Variants in RAD18 observed in about 807,000 individuals in gnomAD.
RAD18 encodes E3 ubiquitin-protein ligase RAD18.
In RAD18, 47 loss-of-function variants were observed where a neutral mutation model predicts 60.4. The observed-to-expected ratio is 0.78, with a 90% CI of 0.62 to 0.99. The LOEUF (loss-of-function observed/expected upper bound fraction) is 0.99, where lower values mean the gene tolerates loss of function less well. Ranked by LOEUF, RAD18 falls within the 50% of genes least tolerant of loss-of-function variation. The pLI, the probability that RAD18 is intolerant of heterozygous loss-of-function variation, is 0.00. For synonymous variants in RAD18, 225 were observed against 195.5 expected (o/e 1.15, Z -1.26); for missense variants, 640 against 593.3 (o/e 1.08, Z -0.82).
At chr3:8,952,137 C>G (rs1468619490) in intron 2 of RAD18, among the ~76,000 whole-genome samples, 3 of 152,112 alleles carry the variant, frequency 2.0e-5, no homozygotes, top group Non-Finnish European at 4.4e-5. Context: ...CACCTTTAAC[C>G]TCCCAAATTC....
chr3:8,885,150 G>T (rs1196227977), intron 12 of RAD18, among the ~76,000 whole-genome samples: 2 of 152,048 alleles, frequency 1.3e-5, no homozygotes, highest in African/African-American at 2.4e-5. Context: ...TTCTTGGTAG[G>T]CCCATAGAAA....
intron 6 of RAD18, 87 bp downstream of exon 6, chr3:8,939,467 G>A (rs1189344692): frequency 2.7e-6 from 3 of 1,109,616 alleles, no homozygotes; most frequent in Admixed American, 2.1e-5. Context: ...CGGTCACCAG[G>A]ATAAAAGGAA....
intron 6 of RAD18, among the ~76,000 whole-genome samples, chr3:8,938,705 G>A (rs913781455): frequency 3.9e-5 from 6 of 152,148 alleles, no homozygotes; most frequent in Non-Finnish European, 5.9e-5. Flanking sequence ...TGGAAGGAAA[G>A]AGACTGAAGG....
At position 8,879,162 on chromosome 3, in the gene RAD18, C is replaced by T. The variant is rs1322149096; in HGVS notation, c.*2195G>A. ...GTCTTGGCACAACTGACATGTTAGA[C>T]TGGATAATTCTTTACTGTGGAGTGT... is the stretch of plus-strand genomic sequence containing the variant. On this transcript the variant is annotated 3_prime_UTR_variant, in exon 13 of 13. Transcript: ENST00000264926. The T allele has an allele frequency of 6.6e-6, 1 of 152,152 alleles. No individual in the cohort carries two copies. The highest frequency in any genetic ancestry group is 1.5e-5 in the Non-Finnish European group (1 of 68,034). The allele number at this position is 152,152 out of a possible 1,614,324, so 9.4% of individuals were successfully genotyped here.
intron 12 of RAD18, among the ~76,000 whole-genome samples, chr3:8,883,181 C>T (rs1244293775): frequency 6.6e-6 from 1 of 151,910 alleles, no homozygotes; most frequent in Non-Finnish European, 1.5e-5. Context: ...AACTGTAATA[C>T]CTGGAAGAAA....
intron 1 of RAD18, among the ~76,000 whole-genome samples, chr3:8,962,926 G>C (rs750013310): frequency 4.6e-5 from 7 of 152,136 alleles, no homozygotes; most frequent in Non-Finnish European, 7.3e-5. Flanking sequence ...CTACCTGCTT[G>C]GCTACGTGAT....
At chr3:8,902,652 G>A in intron 9 of RAD18, 132 bp from the exon 10 acceptor site, 1 of 868,858 alleles carries the variant, frequency 1.2e-6, no homozygotes, top group Non-Finnish European at 1.6e-6. Context: ...AGCACTTCAG[G>A]AGCCTGAAGT....
intron 9 of RAD18, among the ~76,000 whole-genome samples, chr3:8,911,274 T>G (rs897510653): frequency 4.6e-5 from 7 of 152,234 alleles, no homozygotes; most frequent in African/African-American, 1.7e-4. Context: ...TTTCTTAATA[T>G]GGGAGGATTA....
chr3:8,935,392 C>T (rs1484901719), intron 7 of RAD18, among the ~76,000 whole-genome samples: 1 of 152,216 alleles, frequency 6.6e-6, no homozygotes, highest in East Asian at 1.9e-4. Flanking sequence ...GCAACATTTA[C>T]TGAAAGCTAA....
Position 8,946,566 on chromosome 3 carries a change from C to T in RAD18, c.266+654G>A, listed in dbSNP as rs552823950. Among the ~76,000 whole-genome samples, 17 of 152,280 alleles carry T rather than the reference C, an allele frequency of 1.1e-4. No homozygotes were observed. In the South Asian group the frequency reaches 3.5e-3, roughly 32 times the overall value. ...ATATTGAAACATGCCTTTTCATATC[C>T]CTTTGGGTGACCAAACTCACTTTCA... is the stretch of plus-strand genomic sequence containing the variant. On this transcript the variant is annotated intron_variant, in intron 4 of 12. Transcript: ENST00000264926.
At chr3:8,894,886 G>A (rs1371129365) in intron 11 of RAD18, among the ~76,000 whole-genome samples, 2 of 149,156 alleles carry the variant, frequency 1.3e-5, no homozygotes, top group Non-Finnish European at 3.0e-5. Flanking sequence ...TCAGCCTCCC[G>A]AGTAGCTGGG....
At chr3:8,940,026 A>C (rs181966956) in intron 5 of RAD18, among the ~76,000 whole-genome samples, 81 of 152,368 alleles carry the variant, frequency 5.3e-4, no homozygotes, top group Non-Finnish European at 1.5e-4. Context: ...GCCCAGAAGC[A>C]ATAGTAACGA....
chr3:8,901,016 G>A (rs534121390), intron 10 of RAD18, among the ~76,000 whole-genome samples: 1 of 152,266 alleles, frequency 6.6e-6, no homozygotes, highest in Non-Finnish European at 1.5e-5. Flanking sequence ...TTTAACAACT[G>A]CATGAACAAG....
chr3:8,958,886 A>G (rs758494240), intron 2 of RAD18, 34 bp downstream of exon 2: 2 of 1,553,668 alleles, frequency 1.3e-6, no homozygotes, highest in Admixed American at 1.7e-5. Flanking sequence ...TAAAAATCGC[A>G]ATTTACTAAC....
At position 8,913,698 on chromosome 3, in the gene RAD18, G is replaced by A. The variant is rs753070134; in HGVS notation, c.912C>T (p.Ile304=). The change falls in exon 8 of 13, where the codon ATC becomes ATT. Residue 304 remains isoleucine (I), a synonymous_variant. Coordinates refer to ENST00000264926, the MANE Select transcript of RAD18 (RefSeq NM_020165.4). ...GCATCCTAGTCTTCTCTATATTTTC[G>A]ATTTCTCGAACTATTTCAGCAGCTG... The part of the protein sequence containing the change: ...PKSAAEIVRE[I]ENIEKTRMRL... The A allele has an allele frequency of 2.5e-6, 4 of 1,575,130 alleles. No individual in the cohort carries two copies. The highest frequency in any genetic ancestry group is 2.7e-5 in the African/African-American group (2 of 73,096).
At chr3:8,956,607 T>G (rs75144864) in intron 2 of RAD18, among the ~76,000 whole-genome samples, 1,695 of 152,208 alleles carry the variant, frequency 0.011, 30 homozygotes, top group African/African-American at 0.039. Flanking sequence ...AAAGCCACTG[T>G]GAGGGAGTGA....
At chr3:8,914,049 G>A (rs1451775991) in intron 7 of RAD18, among the ~76,000 whole-genome samples, 2 of 152,142 alleles carry the variant, frequency 1.3e-5, no homozygotes, top group African/African-American at 4.8e-5. Context: ...TTTAGTGTGA[G>A]TTCAATTATT....
chr3:8,921,006 T>C (rs1448570887), intron 7 of RAD18, among the ~76,000 whole-genome samples: 3 of 152,180 alleles, frequency 2.0e-5, no homozygotes, highest in Admixed American at 6.5e-5. Context: ...AAAGAGAATC[T>C]TTTTTTCTTA....
intron 7 of RAD18, among the ~76,000 whole-genome samples, chr3:8,919,111 C>G (rs1393023512): frequency 1.3e-5 from 2 of 152,170 alleles, no homozygotes; most frequent in East Asian, 3.8e-4. Context: ...TGTGGAATAT[C>G]AGGTATTCAC....
Sources: gnomAD v4.1 joint callset for allele counts (sites outside exome capture counted in the v4.1 genomes callset) on GRCh38, gnomAD v4.1.1 for gene constraint, MANE v1.5 for transcripts, NCBI Gene and HGNC (gene_info 2026-07-23, HGNC 2026-07-21) for gene names.